Variants in AUTS2 observed in about 807,000 individuals in gnomAD.
AUTS2 encodes autism susceptibility gene 2 protein.
In AUTS2, 17 loss-of-function variants were observed where a neutral mutation model predicts 112.4. The observed-to-expected ratio is 0.15, with a 90% CI of 0.10 to 0.23. AUTS2 has a LOEUF of 0.23. Ranked by LOEUF, AUTS2 falls within the 10% of genes least tolerant of loss-of-function variation. AUTS2 has a pLI of 1.00. For missense variants in AUTS2, 1,510 were observed against 1,701.6 expected, an observed-to-expected ratio of 0.89 and a Z score of 1.98; for synonymous variants, 751 against 702.7, an observed-to-expected ratio of 1.07 and a Z score of -1.09.
At chr7:70,599,445 C>T (rs1803364370) in intron 5 of AUTS2, among the ~76,000 whole-genome samples, 1 of 152,234 alleles carries the variant, frequency 6.6e-6, no homozygotes, top group Admixed American at 6.5e-5. Context: ...CATCTAGGCC[C>T]TCACTACTCA....
At chr7:70,050,720 C>T (rs879735209) in intron 2 of AUTS2, among the ~76,000 whole-genome samples, 4 of 152,150 alleles carry the variant, frequency 2.6e-5, no homozygotes, top group Non-Finnish European at 2.9e-5. Context: ...TGAAGCCAGG[C>T]GCGGTGGCTC....
chr7:70,596,628 T>C (rs1803226600), intron 5 of AUTS2: 1 of 152,264 alleles, frequency 6.6e-6, no homozygotes, highest in Non-Finnish European at 1.5e-5. Context: ...TTGCATCCTC[T>C]TCGGCTAGGT....
chr7:69,865,603 GT>G (rs1793187133), intron 1 of AUTS2, among the ~76,000 whole-genome samples: 1 of 152,034 alleles, frequency 6.6e-6, no homozygotes, highest in Non-Finnish European at 1.5e-5. Flanking sequence ...TCCTTGAAAT[GT>G]TTTCTTTCTG....
intron 4 of AUTS2, among the ~76,000 whole-genome samples, chr7:70,432,021 G>T (rs914704780): frequency 6.6e-6 from 1 of 152,154 alleles, no homozygotes; most frequent in African/African-American, 2.4e-5. Flanking sequence ...TTGCTGTAAG[G>T]CCTAGTTGTT....
In AUTS2 at chr7:70,377,398, ATGT is replaced by A. The variant is rs1228384569; in HGVS notation, c.661-58350_661-58348del. 4.5e-5 allele frequency among the ~76,000 whole-genome samples: 6 copies of A among 134,040 alleles called. No homozygotes were observed. In the South Asian group the frequency reaches 9.9e-4, roughly 22 times the overall value. 87.9% of individuals were successfully genotyped at this position (134,040 alleles called of 152,430 possible). On this transcript the variant is annotated intron_variant, in intron 4 of 18. Coordinates refer to ENST00000342771, the MANE Select transcript of AUTS2 (RefSeq NM_015570.4). ...TAGTGATATATATATCGCAATAAAA[ATGT>A]TGTATAAAATATTGTAATGGTTAAA... is the stretch of plus-strand genomic sequence containing the variant.
At chr7:69,943,581 A>G (rs1160959123) in intron 2 of AUTS2, among the ~76,000 whole-genome samples, 2 of 152,224 alleles carry the variant, frequency 1.3e-5, no homozygotes, top group Non-Finnish European at 2.9e-5. Context: ...TGTCATCATT[A>G]TCTCCTAGGG....
At chr7:70,348,416 A>G (rs1341999949) in intron 4 of AUTS2, among the ~76,000 whole-genome samples, 1 of 152,162 alleles carries the variant, frequency 6.6e-6, no homozygotes, top group African/African-American at 2.4e-5. Context: ...CTACCTTTAA[A>G]TCTCCTTGAG....
intron 5 of AUTS2, among the ~76,000 whole-genome samples, chr7:70,574,253 C>CT (rs1166786320): frequency 6.6e-6 from 1 of 152,106 alleles, no homozygotes; most frequent in Non-Finnish European, 1.5e-5. Flanking sequence ...ATGCCAATCT[C>CT]TACTAACATC....
chr7:70,136,484 A>G (rs1461458654), intron 4 of AUTS2, among the ~76,000 whole-genome samples: 2 of 152,184 alleles, frequency 1.3e-5, no homozygotes, highest in African/African-American at 4.8e-5. Flanking sequence ...ATCACATGTA[A>G]TAATTTCAGA....
At chr7:70,414,129 G>A (rs143863842) in intron 4 of AUTS2, among the ~76,000 whole-genome samples, 167 of 152,288 alleles carry the variant, frequency 1.1e-3, no homozygotes, top group African/African-American at 3.7e-3. Context: ...TACCTACCTT[G>A]TAGGGTTAAA....
intron 14 of AUTS2, 82 bp downstream of exon 14, chr7:70,777,256 G>A: frequency 2.3e-6 from 3 of 1,304,632 alleles, no homozygotes; most frequent in Non-Finnish European, 3.3e-6. Flanking sequence ...TGATGAAGGA[G>A]GCATTTAAAA....
chr7:70,313,698 G>T (rs986285330), intron 4 of AUTS2, among the ~76,000 whole-genome samples: 1 of 152,270 alleles, frequency 6.6e-6, no homozygotes, highest in East Asian at 1.9e-4. Context: ...CGGACCCGCC[G>T]GTTCCTACTG....
chr7:69,844,217 A>T (rs1332137771), intron 1 of AUTS2, among the ~76,000 whole-genome samples: 4 of 152,204 alleles, frequency 2.6e-5, no homozygotes, highest in Non-Finnish European at 4.4e-5. Context: ...TGGGCTACTT[A>T]TTTAGGAAAG....
At chr7:70,332,467 A>C (rs1790798828) in intron 4 of AUTS2, among the ~76,000 whole-genome samples, 1 of 152,202 alleles carries the variant, frequency 6.6e-6, no homozygotes, top group Admixed American at 6.5e-5. Context: ...AACTACTTTA[A>C]ATTTCATATG....
At chr7:70,736,259 A>G (rs2129553390) in intron 6 of AUTS2, among the ~76,000 whole-genome samples, 1 of 152,220 alleles carries the variant, frequency 6.6e-6, no homozygotes, top group Non-Finnish European at 1.5e-5. Flanking sequence ...GAAGAGTTAA[A>G]TATGTATTAC....
At chr7:70,445,273 TG>T (rs1796275866) in intron 5 of AUTS2, among the ~76,000 whole-genome samples, 1 of 152,154 alleles carries the variant, frequency 6.6e-6, no homozygotes, top group Non-Finnish European at 1.5e-5. Flanking sequence ...TTCCAGAATC[TG>T]GGCCCTCTTC....
At chr7:70,415,585 G>A (rs1321801594) in intron 4 of AUTS2, among the ~76,000 whole-genome samples, 2 of 152,170 alleles carry the variant, frequency 1.3e-5, no homozygotes, top group African/African-American at 4.8e-5. Context: ...CGTTGTTTAA[G>A]ATCTGGTGAT....
chr7:70,759,484 T>C (rs568819022), intron 6 of AUTS2, among the ~76,000 whole-genome samples: 1 of 152,372 alleles, frequency 6.6e-6, no homozygotes, highest in African/African-American at 2.4e-5. Context: ...TTCAGGTGAT[T>C]TGAACATGCA....
intron 5 of AUTS2, among the ~76,000 whole-genome samples, chr7:70,657,205 A>G (rs1806816197): frequency 6.6e-6 from 1 of 151,928 alleles, no homozygotes; most frequent in Admixed American, 6.5e-5. Flanking sequence ...TGGTGTGTGT[A>G]GCTGGGGTTA....
Sources: gnomAD v4.1 joint callset for allele counts (sites outside exome capture counted in the v4.1 genomes callset) on GRCh38, gnomAD v4.1.1 for gene constraint, MANE v1.5 for transcripts, NCBI Gene and HGNC (gene_info 2026-07-23, HGNC 2026-07-21) for gene names.